The following CALB2 variants were observed in gnomAD, a reference collection of about 807,000 sequenced individuals.
The protein encoded by CALB2 is calbindin 2, also known as calretinin.
Under a neutral mutation model 45.9 loss-of-function variants are expected in CALB2, and 34 were observed. The observed-to-expected ratio is 0.74, with a 90% confidence interval of 0.56 to 0.99. The LOEUF (loss-of-function observed/expected upper bound fraction) is 0.99. Among genes scored for constraint, CALB2 ranks in the 50% least tolerant of loss-of-function variants. The probability of loss-of-function intolerance (pLI) is 0.00; values close to 1 mark genes in which losing one functional copy is unlikely to be tolerated. For synonymous variants in CALB2, 142 were observed against 129.6 expected (o/e 1.10, Z -0.65); for missense variants, 344 against 339.3 (o/e 1.01, Z -0.11).
chr16:71,373,257 C>T (rs2042373247), intron 2 of CALB2, among the ~76,000 whole-genome samples: 1 of 152,136 alleles, frequency 6.6e-6, no homozygotes, highest in Non-Finnish European at 1.5e-5. Context: ...ATTTGCAGCT[C>T]TTCAGGGAGC....
intron 1 of CALB2, among the ~76,000 whole-genome samples, chr16:71,367,196 T>C (rs2144958139): frequency 6.6e-6 from 1 of 152,272 alleles, no homozygotes; most frequent in East Asian, 1.9e-4. Flanking sequence ...TAAGGAAGGA[T>C]GCAGGGTCTC....
At position 71,390,115 on chromosome 16, in the gene CALB2, G is replaced by T. The variant is rs2042620908; in HGVS notation, c.*250G>T. The T allele has an allele frequency of 1.0e-5, 5 of 478,018 alleles. No individual in the cohort carries two copies. The highest frequency in any genetic ancestry group is 3.3e-5 in the South Asian group (1 of 30,504). 29.6% of individuals were successfully genotyped at this position (478,018 alleles called of 1,614,324 possible). On this transcript the variant is annotated 3_prime_UTR_variant, in exon 11 of 11. Coordinates refer to ENST00000302628, the MANE Select transcript of CALB2 (RefSeq NM_001740.5). ...CACATGGAAGGTGATGGGGGCATGG[G>T]TGGAGGGTCCCTAATTCTCTTCGCT... is the stretch of plus-strand genomic sequence containing the variant.
At chr16:71,376,582 C>A (rs1442831509) in intron 3 of CALB2, among the ~76,000 whole-genome samples, 1 of 152,122 alleles carries the variant, frequency 6.6e-6, no homozygotes, top group South Asian at 2.1e-4. Context: ...CATGCACCCA[C>A]ATACATCCAC....
chr16:71,370,535 A>G (rs537039506), intron 1 of CALB2, among the ~76,000 whole-genome samples: 3 of 152,224 alleles, frequency 2.0e-5, no homozygotes, highest in Admixed American at 1.3e-4. Flanking sequence ...ATTGCATCAG[A>G]AAGTCTAGAG....
intron 4 of CALB2, among the ~76,000 whole-genome samples, chr16:71,379,697 C>A (rs970709324): frequency 6.6e-6 from 1 of 152,120 alleles, no homozygotes; most frequent in Non-Finnish European, 1.5e-5. Flanking sequence ...TTCCAGCCAC[C>A]GGTAATCCCC....
chr16:71,386,750 G>C (rs1167924585), intron 10 of CALB2, among the ~76,000 whole-genome samples: 1 of 152,246 alleles, frequency 6.6e-6, no homozygotes, highest in East Asian at 1.9e-4. Context: ...TGGCTGACAA[G>C]CAAGAGCTAA....
rs746648940 is a variant in CALB2, at chr16:71,384,384, A to G, written c.573+6A>G. 1.9e-6 allele frequency: 3 copies of G among 1,602,550 alleles called. No individual in the cohort carries two copies. Among genetic ancestry groups the G allele is most frequent in the South Asian group, 2.2e-5 (2 of 90,582 alleles). On this transcript the variant is annotated splice_donor_region_variant and intron_variant, in intron 8 of 10. Transcript: ENST00000302628. Reference sequence around the variant, plus strand: ...ACTTCCTGCTTAAATTTCAGGTAAAACTTTGCTTTCCTTCCTTCCCCCTTC... The same window carrying G: ...ACTTCCTGCTTAAATTTCAGGTAAAGCTTTGCTTTCCTTCCTTCCCCCTTC...
chr16:71,379,880 G>A (rs901149138), intron 4 of CALB2, among the ~76,000 whole-genome samples: 1 of 152,300 alleles, frequency 6.6e-6, no homozygotes, highest in Middle Eastern at 3.4e-3. Context: ...ATTTTATGGT[G>A]CCTTAAAAGA....
chr16:71,377,230 C>A (rs1271525879), intron 3 of CALB2, among the ~76,000 whole-genome samples: 1 of 152,186 alleles, frequency 6.6e-6, no homozygotes, highest in Non-Finnish European at 1.5e-5. Context: ...AGATTTTAGG[C>A]CATGAAATTG....
intron 1 of CALB2, among the ~76,000 whole-genome samples, chr16:71,360,922 GT>G (rs1048460261): frequency 2.0e-5 from 3 of 152,226 alleles, no homozygotes; most frequent in Admixed American, 6.5e-5. Flanking sequence ...TTGGAAGAGG[GT>G]TTTTTTCCAT....
intron 1 of CALB2, among the ~76,000 whole-genome samples, chr16:71,365,701 C>A (rs1675556892): frequency 6.6e-6 from 1 of 152,142 alleles, no homozygotes; most frequent in African/African-American, 2.4e-5. Context: ...GCACTTTGAA[C>A]AGCACGGCGT....
intron 8 of CALB2, 142 bp downstream of exon 8, chr16:71,384,520 ACACACACAGAT>A: frequency 3.0e-6 from 2 of 673,968 alleles, no homozygotes; most frequent in Non-Finnish European, 5.3e-6. Flanking sequence ...CACACACACA[ACACACACAGAT>A]CACACACACA....
At chr16:71,369,179 G>T (rs967094748) in intron 1 of CALB2, among the ~76,000 whole-genome samples, 1 of 152,144 alleles carries the variant, frequency 6.6e-6, no homozygotes, top group African/African-American at 2.4e-5. Context: ...GTGTCCGCCG[G>T]CATGTTTGAG....
chr16:71,389,133 A>G (rs1567546416), intron 10 of CALB2, among the ~76,000 whole-genome samples: 1 of 152,120 alleles, frequency 6.6e-6, no homozygotes, highest in African/African-American at 2.4e-5. Context: ...GGTTGCAGTG[A>G]GCCGAGATCG....
Position 71,369,503 on chromosome 16 carries a change from G to A in CALB2, c.95-2650G>A, listed in dbSNP as rs919127653. On this transcript the variant is annotated intron_variant, in intron 1 of 10. Transcript: ENST00000302628. ...TGACGGACCCTGTTCAGAGCTAAGT[G>A]GAGGCGGCTCTTGGAAACATACCAT... 2.0e-5 allele frequency among the ~76,000 whole-genome samples: 3 copies of A among 152,258 alleles called. No homozygotes were observed. In the South Asian group the frequency reaches 6.2e-4, roughly 32 times the overall value.
intron 10 of CALB2, among the ~76,000 whole-genome samples, chr16:71,387,400 T>G (rs184743892): frequency 6.6e-6 from 1 of 151,762 alleles, no homozygotes; most frequent in East Asian, 1.9e-4. Context: ...AGAGAGTGAA[T>G]GAGTAGAAAG....
intron 4 of CALB2, among the ~76,000 whole-genome samples, chr16:71,381,309 T>C (rs2042488595): frequency 1.3e-5 from 2 of 152,112 alleles, no homozygotes; most frequent in Non-Finnish European, 2.9e-5. Context: ...CTAAGGCATT[T>C]TTCTGCAGAG....
intron 4 of CALB2, among the ~76,000 whole-genome samples, chr16:71,381,617 T>C (rs916854946): frequency 6.6e-6 from 1 of 151,994 alleles, no homozygotes; most frequent in South Asian, 2.1e-4. Flanking sequence ...AGGAAAAGGA[T>C]TAGTGGTTGC....
At chr16:71,378,126 A>G (rs2042439799) in intron 4 of CALB2, among the ~76,000 whole-genome samples, 2 of 152,274 alleles carry the variant, frequency 1.3e-5, no homozygotes, top group Admixed American at 1.3e-4. Flanking sequence ...CGGGAAGCTG[A>G]GGCAGGAGAA....
Sources: gnomAD v4.1 joint callset for allele counts (sites outside exome capture counted in the v4.1 genomes callset) on GRCh38, gnomAD v4.1.1 for gene constraint, MANE v1.5 for transcripts, NCBI Gene and HGNC (gene_info 2026-07-23, HGNC 2026-07-21) for gene names.